The following MELK variants were observed in gnomAD, a reference collection of about 807,000 sequenced individuals.
The protein encoded by MELK is maternal embryonic leucine zipper kinase.
MELK carries 81 observed loss-of-function variants against 85.0 expected under a neutral mutation model. The ratio of observed to expected loss-of-function variants is 0.95; its 90% CI spans 0.80 to 1.15. The LOEUF is 1.15. Among genes scored for constraint, MELK ranks in the 50% most tolerant of loss-of-function variants. The pLI is 0.00. For missense variants in MELK, 754 were observed against 777.5 expected (o/e 0.97, Z 0.36); for synonymous variants, 252 against 265.0 (o/e 0.95, Z 0.48).
At chr9:36,615,369 T>A (rs1357242076) in intron 8 of MELK, among the ~76,000 whole-genome samples, 178 of 39,054 alleles carry the variant, frequency 4.6e-3, no homozygotes, top group Admixed American at 9.7e-3. Flanking sequence ...TCCCTCCCGG[T>A]CGGCACGGCT....
chr9:36,609,140 A>T (rs1359651585), intron 8 of MELK, among the ~76,000 whole-genome samples: 1 of 152,168 alleles, frequency 6.6e-6, no homozygotes, highest in Non-Finnish European at 1.5e-5. Context: ...GTGGAGAGTG[A>T]CTGCCTGTGA....
intron 8 of MELK, among the ~76,000 whole-genome samples, chr9:36,629,573 A>G (rs1345359674): frequency 6.6e-6 from 1 of 152,176 alleles, no homozygotes; most frequent in Non-Finnish European, 1.5e-5. Context: ...ACCATAGCCT[A>G]TGTACTGTCA....
At chr9:36,616,391 T>G (rs976152792) in intron 8 of MELK, among the ~76,000 whole-genome samples, 2 of 146,276 alleles carry the variant, frequency 1.4e-5, no homozygotes, top group African/African-American at 5.3e-5. Context: ...CAAACTCTTT[T>G]TTTTTTTTTT....
chr9:36,618,710 T>A (rs1333376792), intron 8 of MELK, among the ~76,000 whole-genome samples: 5 of 152,188 alleles, frequency 3.3e-5, no homozygotes, highest in Non-Finnish European at 7.3e-5. Flanking sequence ...AGGATTTAGC[T>A]TCATTAAACC....
In MELK at chr9:36,589,607, C is replaced by T; in HGVS notation, c.216C>T (p.Leu72=). 1 of 1,614,032 alleles carries T rather than the reference C, an allele frequency of 6.2e-7. No individual in the cohort carries two copies. The highest frequency in any genetic ancestry group is 8.5e-7 in the Non-Finnish European group (1 of 1,179,950). The part of the protein sequence containing the change: ...KNLRHQHICQ[L]YHVLETANKI... ...TGAGACATCAGCATATATGTCAACTCTACCATGTGCTAGAGACAGCCAACA... is the reference window on the plus strand; with the variant it reads ...TGAGACATCAGCATATATGTCAACTTTACCATGTGCTAGAGACAGCCAACA... Residue 72 remains leucine, a synonymous_variant, in exon 4 of 18, where the codon CTC becomes CTT. Coordinates refer to ENST00000298048, the MANE Select transcript of MELK (RefSeq NM_014791.4).
At chr9:36,634,874 G>C (rs1379751315) in intron 10 of MELK, among the ~76,000 whole-genome samples, 1 of 150,906 alleles carries the variant, frequency 6.6e-6, no homozygotes, top group Non-Finnish European at 1.5e-5. Context: ...GCACACACCT[G>C]TAATCCCAGC....
At chr9:36,639,985 C>A (rs1829613611) in intron 10 of MELK, among the ~76,000 whole-genome samples, 1 of 152,154 alleles carries the variant, frequency 6.6e-6, no homozygotes, top group African/African-American at 2.4e-5. Context: ...TTGAGACCAT[C>A]TTGAGGGGAA....
At chr9:36,611,699 A>C (rs1018028771) in intron 8 of MELK, among the ~76,000 whole-genome samples, 4 of 151,920 alleles carry the variant, frequency 2.6e-5, no homozygotes, top group Non-Finnish European at 5.9e-5. Flanking sequence ...TGTTGTGAAG[A>C]TTAAATGAGT....
intron 10 of MELK, among the ~76,000 whole-genome samples, 167 bp from the exon 11 acceptor site, chr9:36,642,830 T>A (rs1265656678): frequency 6.6e-6 from 1 of 152,166 alleles, no homozygotes; most frequent in East Asian, 1.9e-4. Flanking sequence ...TATGCTTACT[T>A]CTTAAAAGAT....
chr9:36,633,875 A>G (rs80043548), intron 10 of MELK, among the ~76,000 whole-genome samples: 5,228 of 152,292 alleles, frequency 0.034, 289 homozygotes, highest in African/African-American at 0.12. Flanking sequence ...TCACACAGAT[A>G]TGCAATAGGA....
intron 8 of MELK, among the ~76,000 whole-genome samples, chr9:36,620,966 TG>T (rs987234629): frequency 2.6e-5 from 4 of 151,872 alleles, no homozygotes; most frequent in African/African-American, 4.8e-5. Context: ...TAAACTAAGT[TG>T]TTCATTAAAA....
chr9:36,630,143 C>G, intron 8 of MELK, 156 bp from the exon 9 acceptor site: 1 of 656,600 alleles, frequency 1.5e-6, no homozygotes, highest in Non-Finnish European at 2.7e-6. Flanking sequence ...CCACGCCCAG[C>G]CAAGAAATTG....
chr9:36,635,293 C>T (rs890507526), intron 10 of MELK, among the ~76,000 whole-genome samples: 5 of 150,414 alleles, frequency 3.3e-5, no homozygotes, highest in South Asian at 2.1e-4. Context: ...GTGGGAATCT[C>T]GCTATTATCG....
chr9:36,657,475 C>T, intron 13 of MELK, 112 bp downstream of exon 13: 1 of 1,197,758 alleles, frequency 8.3e-7, no homozygotes, highest in Non-Finnish European at 1.1e-6. Context: ...GCTTAAGCCA[C>T]TGAAAATGTT....
intron 1 of MELK, among the ~76,000 whole-genome samples, chr9:36,577,590 C>T (rs1403394386): frequency 1.3e-5 from 2 of 151,992 alleles, no homozygotes; most frequent in Admixed American, 6.6e-5. Flanking sequence ...CCTCAGCCTG[C>T]CAAAGTGCTG....
chr9:36,657,578 C>T (rs1564215634), intron 13 of MELK, among the ~76,000 whole-genome samples: 1 of 152,112 alleles, frequency 6.6e-6, no homozygotes, highest in Non-Finnish European at 1.5e-5. Flanking sequence ...TTTACTGCTC[C>T]TTTATTTCCT....
chr9:36,613,185 C>A lies in MELK; in HGVS notation c.666+5512C>A, dbSNP rs79897624. 8.4e-3 allele frequency among the ~76,000 whole-genome samples: 1,284 copies of A among 152,352 alleles called. 15 individuals carry two copies. The highest frequency in any genetic ancestry group is 0.045 in the East Asian group (234 of 5,186). The stretch of plus-strand genomic sequence containing the variant: ...CCTGCCTCAGGGCATTTGTACTTAC[C>A]CTTTCACCTGAAATGGTTTTCTCCC... On this transcript the variant is annotated intron_variant, in intron 8 of 17. Transcript: ENST00000298048.
chr9:36,669,760 G>A lies in MELK; in HGVS notation c.1505+354G>A, dbSNP rs1368188046. Among the ~76,000 whole-genome samples, 6 of 152,142 alleles carry A rather than the reference G, an allele frequency of 3.9e-5. No individual in the cohort carries two copies. The South Asian group carries it at 1.2e-3, about 32-fold the overall frequency. ...TAACAGATTGTAGTCCTCCCAAATC[G>A]TAAAGATACTGTTGTTTCAAAGAAA... On this transcript the variant is annotated intron_variant, in intron 15 of 17. Transcript: ENST00000298048.
At chr9:36,629,135 G>A (rs1828259374) in intron 8 of MELK, among the ~76,000 whole-genome samples, 1 of 152,140 alleles carries the variant, frequency 6.6e-6, no homozygotes, top group South Asian at 2.1e-4. Flanking sequence ...AAAGTGCTGG[G>A]ATTACAGGTG....
Sources: gnomAD v4.1 joint callset for allele counts (sites outside exome capture counted in the v4.1 genomes callset) on GRCh38, gnomAD v4.1.1 for gene constraint, MANE v1.5 for transcripts, NCBI Gene and HGNC (gene_info 2026-07-23, HGNC 2026-07-21) for gene names.